Variants in CCDC178 observed in about 807,000 individuals in gnomAD.
CCDC178 encodes the protein coiled-coil domain containing 178.
CCDC178 carries 126 observed loss-of-function variants against 117.4 expected under a neutral mutation model. That is an observed-to-expected ratio of 1.07 (90% CI 0.93 to 1.24). CCDC178 has a LOEUF of 1.24. CCDC178 is among the 50% of genes most tolerant of loss of function. CCDC178 has a pLI of 0.00. For missense variants in CCDC178, 1,030 were observed against 986.9 expected (o/e 1.04, Z -0.59); for synonymous variants, 283 against 313.4 (o/e 0.90, Z 1.02).
intron 2 of CCDC178, among the ~76,000 whole-genome samples, chr18:33,430,285 T>A (rs2064191117): frequency 6.6e-6 from 1 of 152,224 alleles, no homozygotes; most frequent in South Asian, 2.1e-4. Context: ...GCAGTAAATA[T>A]TATATGAAAT....
intron 20 of CCDC178, among the ~76,000 whole-genome samples, chr18:33,108,584 T>C (rs1445401900): frequency 6.6e-6 from 1 of 151,644 alleles, no homozygotes; most frequent in Non-Finnish European, 1.5e-5. Flanking sequence ...AAAATAAATT[T>C]ATTTATTCAC....
rs368702746 is a variant in CCDC178, at chr18:33,274,857, T to C, written c.1177-7560A>G. Reference sequence around the variant, plus strand: ...ACTAAATGAAGTTATGAGACAATCATGAGCACACCTTAAGCATTGCATGTG... The same window carrying C: ...ACTAAATGAAGTTATGAGACAATCACGAGCACACCTTAAGCATTGCATGTG... On this transcript the variant is annotated intron_variant, in intron 12 of 22. Coordinates refer to ENST00000383096, the MANE Select transcript of CCDC178 (RefSeq NM_001105528.4). Among the ~76,000 whole-genome samples the C allele has an allele frequency of 3.4e-4, 51 of 152,210 alleles. 1 individual carries two copies. The South Asian group carries it at 7.2e-3, about 22-fold the overall frequency.
intron 7 of CCDC178, among the ~76,000 whole-genome samples, chr18:33,349,240 T>C (rs1205447000): frequency 6.6e-6 from 1 of 151,874 alleles, no homozygotes; most frequent in South Asian, 2.1e-4. Flanking sequence ...TTTAAAGAAA[T>C]TGGTCATTCC....
At chr18:33,156,321 C>T (rs769218515) in intron 20 of CCDC178, among the ~76,000 whole-genome samples, 1 of 151,398 alleles carries the variant, frequency 6.6e-6, no homozygotes, top group African/African-American at 2.4e-5. Flanking sequence ...AACTCCTGAC[C>T]TTGTGATCCG....
chr18:33,274,622 C>G (rs1368499082), intron 12 of CCDC178, among the ~76,000 whole-genome samples: 2 of 151,846 alleles, frequency 1.3e-5, no homozygotes, highest in African/African-American at 4.8e-5. Flanking sequence ...CCCTTGAAAA[C>G]CAGGGTCTAT....
At chr18:32,938,873 T>C (rs1162067754) in intron 22 of CCDC178, among the ~76,000 whole-genome samples, 1 of 152,162 alleles carries the variant, frequency 6.6e-6, no homozygotes, top group African/African-American at 2.4e-5. Flanking sequence ...CTTTTGTTTT[T>C]GGATATTAAG....
intron 2 of CCDC178, among the ~76,000 whole-genome samples, chr18:33,417,554 A>T (rs996312324): frequency 1.3e-5 from 2 of 151,856 alleles, no homozygotes; most frequent in African/African-American, 4.8e-5. Context: ...ACACACACAC[A>T]CACACACACA....
chr18:33,223,153 A>AT lies in CCDC178; in HGVS notation c.1884dup (p.Leu629IlefsTer10), dbSNP rs1568068136. 1 of 1,606,698 alleles carries AT rather than the reference A, an allele frequency of 6.2e-7. No individual in the cohort carries two copies. The highest frequency in any genetic ancestry group is 8.5e-7 in the Non-Finnish European group (1 of 1,175,790). On this transcript the variant is annotated frameshift_variant, in exon 18 of 23. Coordinates refer to ENST00000383096, the MANE Select transcript of CCDC178 (RefSeq NM_001105528.4). LOFTEE classifies it high-confidence loss of function. ...AGGGTTTTCTTCCCCTTTTTTCGTA[A>AT]TTTTTTCTTTACTTTTCCCACCTTT...
intron 2 of CCDC178, among the ~76,000 whole-genome samples, chr18:33,437,272 G>C (rs2064305389): frequency 6.6e-6 from 1 of 152,068 alleles, no homozygotes; most frequent in Non-Finnish European, 1.5e-5. Context: ...AATTTTTAAA[G>C]AAACAAAAAT....
intron 20 of CCDC178, among the ~76,000 whole-genome samples, chr18:33,169,411 GGTGGGT>G (rs1345250447): frequency 6.6e-6 from 1 of 152,094 alleles, no homozygotes; most frequent in Non-Finnish European, 1.5e-5. Context: ...TACAGAATGT[GGTGGGT>G]CACTAGAAAA....
chr18:33,166,310 AAT>A (rs938103810), intron 20 of CCDC178, among the ~76,000 whole-genome samples: 4 of 152,178 alleles, frequency 2.6e-5, no homozygotes, highest in Non-Finnish European at 4.4e-5. Context: ...GTATTTTCTG[AAT>A]ATGTTTATAT....
chr18:33,435,128 GA>G (rs200060528), intron 2 of CCDC178, among the ~76,000 whole-genome samples: 1 of 151,492 alleles, frequency 6.6e-6, no homozygotes, highest in South Asian at 2.1e-4. Context: ...TATTGGAGCA[GA>G]AAAAAAACAG....
intron 5 of CCDC178, among the ~76,000 whole-genome samples, chr18:33,374,715 T>C (rs1324209580): frequency 1.3e-5 from 2 of 148,270 alleles, no homozygotes; most frequent in Non-Finnish European, 3.0e-5. Context: ...AGTCAAAAAT[T>C]GAAAAAATCT....
chr18:33,038,652 A>G (rs1001092224), intron 21 of CCDC178, among the ~76,000 whole-genome samples: 3 of 152,124 alleles, frequency 2.0e-5, no homozygotes, highest in African/African-American at 7.2e-5. Context: ...AAAATAGCGC[A>G]GGCTAGACCA....
At chr18:33,384,899 A>T (rs1298527752) in intron 5 of CCDC178, among the ~76,000 whole-genome samples, 3 of 152,186 alleles carry the variant, frequency 2.0e-5, no homozygotes, top group African/African-American at 4.8e-5. Context: ...TAAACGCCCC[A>T]ATTAAAAAAC....
At chr18:33,362,718 T>C (rs2063147683) in intron 6 of CCDC178, among the ~76,000 whole-genome samples, 1 of 151,874 alleles carries the variant, frequency 6.6e-6, no homozygotes, top group Admixed American at 6.6e-5. Flanking sequence ...CGCAATAAAA[T>C]TTATTTCAAA....
intron 2 of CCDC178, among the ~76,000 whole-genome samples, chr18:33,428,458 C>T (rs2144958336): frequency 6.6e-6 from 1 of 151,940 alleles, no homozygotes; most frequent in South Asian, 2.1e-4. Flanking sequence ...CGGATTTAGC[C>T]CAGGAGTGTG....
Position 33,323,626 on chromosome 18 carries a change from T to A in CCDC178, c.887A>T (p.Asp296Val). The change falls in exon 11 of 23, where the codon GAC (aspartate) becomes GTC (valine). Residue 296 changes from aspartate (D) to valine (V), a missense_variant. Coordinates refer to ENST00000383096, the MANE Select transcript of CCDC178 (RefSeq NM_001105528.4). ...TTCTTCATTAACTTTTCTGTGTAGG[T>A]CCATTACCTAGAAATGAAAATATTT... is the stretch of plus-strand genomic sequence containing the variant. Reference protein sequence around the residue: ...NHYKKKMEVMDLHRKVNEELE... With the variant: ...NHYKKKMEVMVLHRKVNEELE... The A allele has an allele frequency of 6.7e-7, 1 of 1,499,970 alleles. No individual in the cohort carries two copies. Among genetic ancestry groups the A allele is most frequent in the Non-Finnish European group, 8.9e-7 (1 of 1,126,682 alleles). 92.9% of individuals were successfully genotyped at this position (1,499,970 alleles called of 1,614,324 possible). A position where few individuals can be genotyped will look rare whatever the true frequency, so the allele number is the denominator to read the frequency against.
rs1041986005 is a variant in CCDC178 at position 33,369,970 on chromosome 18, T to C, written c.348+80A>G. 6.7e-6 allele frequency: 8 copies of C among 1,187,720 alleles called. No homozygotes were observed. The African/African-American group carries it at 9.6e-5, about 14-fold the overall frequency. 73.6% of individuals were successfully genotyped at this position (1,187,720 alleles called of 1,614,324 possible). A position where few individuals can be genotyped will look rare whatever the true frequency, so the allele number is the denominator to read the frequency against. On this transcript the variant is annotated intron_variant, in intron 6 of 22. Coordinates refer to ENST00000383096, the MANE Select transcript of CCDC178 (RefSeq NM_001105528.4). Reference sequence around the variant, plus strand: ...ATTATCATTTAAAAAGTCCAGAGTTTCCTGGGTTCTTTAAATAACCAATCC... The same window carrying C: ...ATTATCATTTAAAAAGTCCAGAGTTCCCTGGGTTCTTTAAATAACCAATCC...
Sources: gnomAD v4.1 joint callset for allele counts (sites outside exome capture counted in the v4.1 genomes callset) on GRCh38, gnomAD v4.1.1 for gene constraint, MANE v1.5 for transcripts, NCBI Gene and HGNC (gene_info 2026-07-23, HGNC 2026-07-21) for gene names.